The following RASAL2 variants were observed in gnomAD, a reference collection of about 807,000 sequenced individuals.
RASAL2 encodes RAS protein activator like 2, also known as ras GTPase-activating protein nGAP.
RASAL2 carries 58 observed loss-of-function variants against 128.9 expected under a neutral mutation model. That is an observed-to-expected ratio of 0.45 (90% CI 0.36 to 0.56). The LOEUF (loss-of-function observed/expected upper bound fraction) is 0.56, where lower values mean the gene tolerates loss of function less well. Among genes scored for constraint, RASAL2 ranks in the 20% least tolerant of loss-of-function variants. RASAL2 has a pLI of 0.00. For missense variants in RASAL2, 1,360 were observed against 1,601.6 expected (o/e 0.85, Z 2.57); for synonymous variants, 561 against 580.8 (o/e 0.97, Z 0.49).
intron 1 of RASAL2, among the ~76,000 whole-genome samples, chr1:178,263,816 A>G (rs1009916718): frequency 6.6e-6 from 1 of 152,076 alleles, no homozygotes; most frequent in African/African-American, 2.4e-5. Flanking sequence ...CAGCCTCCTG[A>G]ATAGTTGGGA....
At chr1:178,295,476 T>C (rs1667453212) in intron 2 of RASAL2, among the ~76,000 whole-genome samples, 1 of 152,068 alleles carries the variant, frequency 6.6e-6, no homozygotes, top group South Asian at 2.1e-4. Context: ...GGTTTTTTTT[T>C]TTTAAAGCTC....
chr1:178,193,825 A>G (rs1477651453), intron 1 of RASAL2, among the ~76,000 whole-genome samples: 1 of 152,214 alleles, frequency 6.6e-6, no homozygotes, highest in East Asian at 1.9e-4. Flanking sequence ...TGTTGACACT[A>G]TAATGTATGA....
chr1:178,454,976 A>T (rs1468737106), intron 12 of RASAL2, among the ~76,000 whole-genome samples: 1 of 152,134 alleles, frequency 6.6e-6, no homozygotes, highest in Non-Finnish European at 1.5e-5. Context: ...GTCTAATAGG[A>T]TAAGATGAAA....
chr1:178,426,244 C>T (rs1441030730), intron 5 of RASAL2, among the ~76,000 whole-genome samples: 2 of 152,076 alleles, frequency 1.3e-5, no homozygotes, highest in Admixed American at 1.3e-4. Flanking sequence ...GTGATAACAA[C>T]CCAAATGCCC....
At position 178,211,132 on chromosome 1, in the gene RASAL2, CAA is replaced by C. The variant is rs747339212; in HGVS notation, c.203-72429_203-72428del. On this transcript the variant is annotated intron_variant, in intron 1 of 17. Coordinates refer to ENST00000367649, the MANE Select transcript of RASAL2 (RefSeq NM_170692.4). ...GTTTCTGAGGACCTCTTCTAGGTAA[CAA>C]AAGCCCTCAAGCAAGAACTGCTCCT... Among the ~76,000 whole-genome samples the C allele has an allele frequency of 9.4e-4, 143 of 152,280 alleles. 1 individual carries two copies. The highest frequency in any genetic ancestry group is 2.7e-3 in the African/African-American group (114 of 41,558).
intron 3 of RASAL2, among the ~76,000 whole-genome samples, chr1:178,353,948 G>A (rs1360768642): frequency 6.6e-6 from 1 of 151,132 alleles, no homozygotes; most frequent in Non-Finnish European, 1.5e-5. Context: ...TCCAGCTTGG[G>A]TGACAAAAAT....
intron 1 of RASAL2, among the ~76,000 whole-genome samples, chr1:178,134,529 C>T (rs567166880): frequency 6.6e-6 from 1 of 151,124 alleles, no homozygotes; most frequent in Non-Finnish European, 1.5e-5. Context: ...GGCAGGCAAT[C>T]GACATCAGTT....
In RASAL2 at chr1:178,459,894, T is replaced by C. The variant is rs78676316; in HGVS notation, c.3252+1350T>C. Among the ~76,000 whole-genome samples, 883 of 152,298 alleles carry C rather than the reference T, an allele frequency of 5.8e-3. 12 individuals carry two copies. The highest frequency in any genetic ancestry group is 0.02 in the African/African-American group (820 of 41,574). Reference sequence around the variant, plus strand: ...ATTTTTATTTGAAGAAAAGGAAAAATAGATATCTTTTATATGTATCATATG... The same window carrying C: ...ATTTTTATTTGAAGAAAAGGAAAAACAGATATCTTTTATATGTATCATATG... On this transcript the variant is annotated intron_variant, in intron 14 of 17. Coordinates refer to ENST00000367649, the MANE Select transcript of RASAL2 (RefSeq NM_170692.4).
At chr1:178,199,088 G>A (rs747515662) in intron 1 of RASAL2, among the ~76,000 whole-genome samples, 1 of 152,320 alleles carries the variant, frequency 6.6e-6, no homozygotes, top group South Asian at 2.1e-4. Context: ...ACAAGGCTTC[G>A]TGGGCGTGGG....
At chr1:178,375,147 A>T (rs369417242) in intron 3 of RASAL2, among the ~76,000 whole-genome samples, 1 of 152,292 alleles carries the variant, frequency 6.6e-6, no homozygotes, top group East Asian at 1.9e-4. Context: ...ATAGGGTTTA[A>T]TCTGAATCCT....
chr1:178,146,236 A>C (rs982744465), intron 1 of RASAL2, among the ~76,000 whole-genome samples: 2 of 152,216 alleles, frequency 1.3e-5, no homozygotes, highest in African/African-American at 4.8e-5. Context: ...AAAATAATAC[A>C]GATTATACTT....
chr1:178,455,476 AGT>A (rs1368320472), intron 12 of RASAL2, among the ~76,000 whole-genome samples: 4 of 152,220 alleles, frequency 2.6e-5, no homozygotes, highest in African/African-American at 9.6e-5. Flanking sequence ...ATGCTATATC[AGT>A]AAAATTTGAA....
At chr1:178,379,500 T>C (rs1191608372) in intron 3 of RASAL2, among the ~76,000 whole-genome samples, 1 of 152,210 alleles carries the variant, frequency 6.6e-6, no homozygotes, top group Non-Finnish European at 1.5e-5. Context: ...TATGGTTTAA[T>C]TTCTCATACA....
Position 178,423,079 on chromosome 1 carries a change from T to G in RASAL2, c.674+2459T>G, listed in dbSNP as rs191444171. On this transcript the variant is annotated intron_variant, in intron 5 of 17. Transcript: ENST00000367649. ...ATGGGATCACATATTACTTTGTGAC[T>G]TGCTTTTTAGTATAAATATTTTGTA... Among the ~76,000 whole-genome samples, 58 of 152,250 alleles carry G rather than the reference T, an allele frequency of 3.8e-4. 1 individual carries two copies. The East Asian group carries it at 0.011, about 28-fold the overall frequency.
At position 178,452,448 on chromosome 1, in the gene RASAL2, C is replaced by G; in HGVS notation, c.1805C>G (p.Ala602Gly). Reference protein sequence around the residue: ...VFPRELKEVFASWKQQCLNRG... With the variant: ...VFPRELKEVFGSWKQQCLNRG... ...CCTCGTGAGTTGAAAGAAGTGTTTG[C>G]ATCATGGAAGCAGCAGTGCCTGAAC... The change falls in exon 11 of 18, where the codon GCA becomes GGA. Residue 602 changes from alanine (A) to glycine (G), a missense_variant. Physicochemically the swap from Ala to Gly is moderately conservative, Grantham distance 60. Transcript: ENST00000367649. The G allele has an allele frequency of 1.9e-6, 3 of 1,614,054 alleles. No homozygotes were observed. The highest frequency in any genetic ancestry group is 2.5e-6 in the Non-Finnish European group (3 of 1,179,950).
At chr1:178,445,771 C>A in intron 9 of RASAL2, 109 bp downstream of exon 9, 2 of 1,168,902 alleles carry the variant, frequency 1.7e-6, no homozygotes, top group Non-Finnish European at 2.4e-6. Context: ...TTAGTTCTAG[C>A]TGACTCAGGT....
chr1:178,104,575 C>A (rs544595005), intron 1 of RASAL2, among the ~76,000 whole-genome samples: 1 of 152,060 alleles, frequency 6.6e-6, no homozygotes, highest in Non-Finnish European at 1.5e-5. Flanking sequence ...AGATTTAGTG[C>A]GAAATTGGTG....
At chr1:178,275,499 C>G (rs944805009) in intron 1 of RASAL2, among the ~76,000 whole-genome samples, 1 of 152,156 alleles carries the variant, frequency 6.6e-6, no homozygotes. Flanking sequence ...GGAATTGTTC[C>G]CCATCCTTAC....
intron 17 of RASAL2, chr1:178,470,867 A>G (rs534248433): frequency 1.4e-4 from 71 of 505,726 alleles, no homozygotes; most frequent in African/African-American, 9.7e-4. Context: ...TTCCCTTACA[A>G]TCCAGGCAGA....
Sources: gnomAD v4.1 joint callset for allele counts (sites outside exome capture counted in the v4.1 genomes callset) on GRCh38, gnomAD v4.1.1 for gene constraint, MANE v1.5 for transcripts, NCBI Gene and HGNC (gene_info 2026-07-23, HGNC 2026-07-21) for gene names.